The following PSG9 variants were observed in gnomAD, a reference collection of about 807,000 sequenced individuals.
PSG9 encodes pregnancy specific beta-1-glycoprotein 9.
Under a neutral mutation model 41.9 loss-of-function variants are expected in PSG9, and 49 were observed. That is an observed-to-expected ratio of 1.17 (90% CI 0.93 to 1.48). The LOEUF is 1.48. Among genes scored for constraint, PSG9 ranks in the 40% most tolerant of loss-of-function variants. The probability of loss-of-function intolerance (pLI) is 0.00; values close to 1 mark genes in which losing one functional copy is unlikely to be tolerated. For synonymous variants in PSG9, 263 were observed against 196.8 expected (o/e 1.34, Z -2.82); for missense variants, 641 against 520.3 (o/e 1.23, Z -2.26).
At chr19:43,266,970 G>T (rs1968998925) in intron 2 of PSG9, among the ~76,000 whole-genome samples, 2 of 152,146 alleles carry the variant, frequency 1.3e-5, no homozygotes, top group South Asian at 4.1e-4. Flanking sequence ...CTGACCTAAT[G>T]CTTGGCACAG....
rs574722016 is a variant in PSG9, at chr19:43,268,449, C to A, written c.65-300G>T. Among the ~76,000 whole-genome samples the A allele has an allele frequency of 2.7e-3, 416 of 152,304 alleles. 2 individuals carry two copies. The highest frequency in any genetic ancestry group is 4.6e-3 in the South Asian group (22 of 4,826). ...AGGGGTCCACACGGCCCCCTCCACA[C>A]TGCCCTCAGGTCCTGCTCACATCAG... On this transcript the variant is annotated intron_variant, in intron 1 of 5. Transcript: ENST00000270077.
chr19:43,257,584 G>A, intron 5 of PSG9: 1 of 985,120 alleles, frequency 1.0e-6, no homozygotes, highest in Non-Finnish European at 1.2e-6. Context: ...CCTGCAGCCT[G>A]GCCCGGGGGA....
intron 1 of PSG9, 88 bp downstream of exon 1, chr19:43,269,280 T>G: frequency 6.2e-7 from 1 of 1,601,658 alleles, no homozygotes. Flanking sequence ...CTGGCTTCTT[T>G]TATTTTACAA....
intron 2 of PSG9, 46 bp from the exon 3 acceptor site, chr19:43,262,184 T>C (rs763349652): frequency 1.1e-5 from 17 of 1,586,180 alleles, no homozygotes; most frequent in Non-Finnish European, 1.5e-5. Context: ...GCACCTTTGA[T>C]TCCTCCAAAG....
chr19:43,263,593 A>AC (rs980081841), intron 2 of PSG9, among the ~76,000 whole-genome samples: 12 of 133,572 alleles, frequency 9.0e-5, no homozygotes, highest in South Asian at 2.6e-4. Flanking sequence ...TCTAGTAACA[A>AC]AAAAAAAAAA....
Position 43,253,435 on chromosome 19 carries a change from T to G in PSG9, c.*174A>C, listed in dbSNP as rs1968339580. The G allele has an allele frequency of 2.1e-5, 9 of 428,166 alleles. No homozygotes were observed. Among genetic ancestry groups the G allele is most frequent in the Non-Finnish European group, 3.7e-5 (9 of 244,002 alleles). The allele number at this position is 428,166 out of a possible 1,614,324, so 26.5% of individuals were successfully genotyped here. On this transcript the variant is annotated 3_prime_UTR_variant, in exon 6 of 6. Coordinates refer to ENST00000270077, the MANE Select transcript of PSG9 (RefSeq NM_002784.5). ...TTACCAATTGCTGAAGAAAAAAAGT[T>G]CATAAATCTGGAGAATAAAACATTC... is the stretch of plus-strand genomic sequence containing the variant.
At chr19:43,266,658 G>C (rs1015898937) in intron 2 of PSG9, among the ~76,000 whole-genome samples, 8 of 152,114 alleles carry the variant, frequency 5.3e-5, no homozygotes, top group African/African-American at 1.9e-4. Context: ...AGACTAATCA[G>C]CTGACCATTT....
At chr19:43,263,075 C>T (rs1468611531) in intron 2 of PSG9, among the ~76,000 whole-genome samples, 4 of 152,156 alleles carry the variant, frequency 2.6e-5, no homozygotes. Flanking sequence ...CTTGCAGATA[C>T]TTTCTCTCAT....
intron 1 of PSG9, among the ~76,000 whole-genome samples, chr19:43,268,582 C>T (rs915740501): frequency 2.6e-5 from 4 of 152,138 alleles, no homozygotes; most frequent in African/African-American, 9.7e-5. Context: ...CACCTGATCT[C>T]ACATTCTACA....
rs971846426 is a variant in PSG9 at position 43,259,435 on chromosome 19, C to A, written c.710-300G>T. 1.2e-4 allele frequency: 51 copies of A among 433,024 alleles called. 1 individual carries two copies. The highest frequency in any genetic ancestry group is 3.2e-4 in the Admixed American group (8 of 24,978). The allele number at this position is 433,024 out of a possible 1,614,324, so 26.8% of individuals were successfully genotyped here. ...CCCTGGTACCCCTCCCAGTCCCTCC[C>A]TAATCAGTTGACTGGCTGGCTCACC... On this transcript the variant is annotated intron_variant, in intron 3 of 5. Transcript: ENST00000270077.
intron 2 of PSG9, among the ~76,000 whole-genome samples, chr19:43,263,860 G>T (rs1204869055): frequency 1.3e-5 from 2 of 152,066 alleles, no homozygotes; most frequent in Non-Finnish European, 2.9e-5. Context: ...AAGGGAGGAA[G>T]GATGCCAAAT....
chr19:43,268,518 G>A (rs113808197), intron 1 of PSG9, among the ~76,000 whole-genome samples: 3 of 152,084 alleles, frequency 2.0e-5, no homozygotes, highest in Non-Finnish European at 2.9e-5. Context: ...CAGAGACCCT[G>A]GGTCTTCCCT....
chr19:43,263,573 G>T (rs534394404), intron 2 of PSG9, among the ~76,000 whole-genome samples: 1 of 148,582 alleles, frequency 6.7e-6, no homozygotes, highest in Non-Finnish European at 1.5e-5. Flanking sequence ...ACCTCATGTT[G>T]TGTTCTGACT....
Position 43,267,779 on chromosome 19 carries a change from C to G in PSG9, c.430+5G>C, listed in dbSNP as rs1294769720. On this transcript the variant is annotated splice_donor_5th_base_variant and intron_variant, in intron 2 of 5. Transcript: ENST00000270077. ...AACACCCAGGGATCATGTGGAATCA[C>G]TCACAGTATAAGGTGAAGGTGAAAT... 6.2e-7 allele frequency: 1 copy of G among 1,612,504 alleles called. No homozygotes were observed.
intron 2 of PSG9, among the ~76,000 whole-genome samples, chr19:43,265,087 A>G (rs201838108): frequency 2.0e-5 from 3 of 152,058 alleles, no homozygotes; most frequent in Non-Finnish European, 4.4e-5. Flanking sequence ...TCATTCCTGG[A>G]CATAGGTCAG....
At chr19:43,265,685 A>G (rs1301607761) in intron 2 of PSG9, among the ~76,000 whole-genome samples, 23 of 152,076 alleles carry the variant, frequency 1.5e-4, no homozygotes, top group Non-Finnish European at 3.2e-4. Context: ...TTCTCCGACT[A>G]CAGACCACCA....
chr19:43,265,464 C>T (rs1287224003), intron 2 of PSG9, among the ~76,000 whole-genome samples: 1 of 152,130 alleles, frequency 6.6e-6, no homozygotes. Flanking sequence ...AGTCATGTGG[C>T]CCCTACCTGG....
At chr19:43,262,280 C>T in intron 2 of PSG9, 142 bp from the exon 3 acceptor site, 1 of 1,467,688 alleles carries the variant, frequency 6.8e-7, no homozygotes, top group African/African-American at 1.4e-5. Flanking sequence ...TGTTACAAGA[C>T]AGATGCATGG....
At position 43,254,946 on chromosome 19, in the gene PSG9, C is replaced by T. The variant is rs1235992413; in HGVS notation, c.1244-1300G>A. Among the ~76,000 whole-genome samples the T allele has an allele frequency of 1.4e-5, 2 of 143,648 alleles. 1 individual carries two copies. Among genetic ancestry groups the T allele is most frequent in the African/African-American group, 5.4e-5 (2 of 37,182 alleles). 94.2% of individuals were successfully genotyped at this position (143,648 alleles called of 152,430 possible). A position where few individuals can be genotyped will look rare whatever the true frequency, so the allele number is the denominator to read the frequency against. On this transcript the variant is annotated intron_variant, in intron 5 of 5. Coordinates refer to ENST00000270077, the MANE Select transcript of PSG9 (RefSeq NM_002784.5). ...CTACAAAAAAATAAAAAAAAATTAG[C>T]TGGGCATGGTGACATGCACCTGTAG...
Sources: gnomAD v4.1 joint callset for allele counts (sites outside exome capture counted in the v4.1 genomes callset) on GRCh38, gnomAD v4.1.1 for gene constraint, MANE v1.5 for transcripts, NCBI Gene and HGNC (gene_info 2026-07-23, HGNC 2026-07-21) for gene names.